Variants in DPY19L4 observed in about 807,000 individuals in gnomAD.
The protein encoded by DPY19L4 is probable C-mannosyltransferase DPY19L4.
Under a neutral mutation model 102.8 loss-of-function variants are expected in DPY19L4, and 97 were observed. The ratio of observed to expected loss-of-function variants is 0.94; its 90% confidence interval spans 0.80 to 1.12. The LOEUF (loss-of-function observed/expected upper bound fraction) is 1.12. DPY19L4 is among the 50% of genes most tolerant of loss of function. The pLI is 0.00. For synonymous variants in DPY19L4, 252 were observed against 283.1 expected (o/e 0.89, Z 1.10); for missense variants, 815 against 850.4 (o/e 0.96, Z 0.52).
intron 1 of DPY19L4, among the ~76,000 whole-genome samples, chr8:94,725,211 A>G (rs1284872595): frequency 1.3e-5 from 2 of 152,236 alleles, no homozygotes; most frequent in African/African-American, 4.8e-5. Context: ...AGTTATTACT[A>G]AGAGAAAGGA....
chr8:94,779,135 A>C (rs981508196), intron 14 of DPY19L4, among the ~76,000 whole-genome samples: 7 of 151,814 alleles, frequency 4.6e-5, no homozygotes, highest in Non-Finnish European at 5.9e-5. Flanking sequence ...TTGAAGCTTC[A>C]ATTTATTGAA....
intron 8 of DPY19L4, among the ~76,000 whole-genome samples, chr8:94,763,472 C>G (rs1254394934): frequency 6.6e-6 from 1 of 151,002 alleles, no homozygotes; most frequent in Non-Finnish European, 1.5e-5. Flanking sequence ...TCCTGAGTAG[C>G]TGAGACTACA....
intron 7 of DPY19L4, among the ~76,000 whole-genome samples, chr8:94,759,358 G>C (rs557209715): frequency 6.6e-6 from 1 of 152,174 alleles, no homozygotes; most frequent in South Asian, 2.1e-4. Context: ...ATATTACAGA[G>C]CACTGATTGG....
chr8:94,781,055 GA>G (rs1813405069), intron 15 of DPY19L4, 28 bp from the exon 16 acceptor site: 1 of 843,218 alleles, frequency 1.2e-6, no homozygotes, highest in Non-Finnish European at 1.7e-6. Context: ...ATCTTTTGGG[GA>G]TTTTTTTTTT....
intron 8 of DPY19L4, among the ~76,000 whole-genome samples, chr8:94,764,717 A>ATTTTTTTTTTTTTTT (rs869220296): frequency 3.4e-5 from 1 of 29,326 alleles, no homozygotes; most frequent in Admixed American, 7.2e-4. Context: ...ATATATATAT[A>ATTTTTTTTTTTTTTT]TTTTTTTTTT....
rs921529911 is a variant in DPY19L4 at position 94,765,031 on chromosome 8, A to G, written c.871-152A>G. On this transcript the variant is annotated intron_variant, in intron 8 of 18. Transcript: ENST00000414645. The stretch of plus-strand genomic sequence containing the variant: ...ATGTGAGCCACCATGCCCGGCCAAC[A>G]TTAAAAATATTGATTAAACATTTGC... The G allele has an allele frequency of 1.1e-5, 7 of 637,866 alleles. No individual in the cohort carries two copies. The Admixed American group carries it at 2.0e-4, about 18-fold the overall frequency. 39.5% of individuals were successfully genotyped at this position (637,866 alleles called of 1,614,324 possible). A position where few individuals can be genotyped will look rare whatever the true frequency, so the allele number is the denominator to read the frequency against.
At chr8:94,751,183 A>G in intron 6 of DPY19L4, among the ~76,000 whole-genome samples, 1 of 145,218 alleles carries the variant, frequency 6.9e-6, no homozygotes. Flanking sequence ...CAGTGGCGTG[A>G]TCTCGGCTCA....
intron 17 of DPY19L4, among the ~76,000 whole-genome samples, chr8:94,786,848 A>G (rs6999453): frequency 0.89 from 135,642 of 152,196 alleles, 60,613 homozygotes; most frequent in East Asian, 0.96. Context: ...GCGCCTGGCC[A>G]ACCATATCAT....
At chr8:94,774,039 TAAA>T (rs79751438) in intron 13 of DPY19L4, among the ~76,000 whole-genome samples, 14 of 102,784 alleles carry the variant, frequency 1.4e-4, no homozygotes, top group African/African-American at 2.3e-4. Flanking sequence ...TGTCTTTAGT[TAAA>T]AAAAAAAAAA....
chr8:94,764,689 G>GTGTGTGTGTGTGTATATATA (rs1415377058), intron 8 of DPY19L4, among the ~76,000 whole-genome samples: 13 of 43,202 alleles, frequency 3.0e-4, no homozygotes, highest in South Asian at 9.2e-4. Flanking sequence ...GTCTGTGTGT[G>GTGTGTGTGTGTGTATATATA]TATATATATA....
intron 3 of DPY19L4, among the ~76,000 whole-genome samples, chr8:94,735,313 T>C (rs75437250): frequency 1.3e-5 from 2 of 152,082 alleles, no homozygotes; most frequent in Non-Finnish European, 2.9e-5. Context: ...TAGAGTTTTT[T>C]AATTTTTGAG....
At chr8:94,770,068 A>G (rs6471484) in intron 12 of DPY19L4, among the ~76,000 whole-genome samples, 6,975 of 151,840 alleles carry the variant, frequency 0.046, 204 homozygotes, top group African/African-American at 0.067. Context: ...TTATATTTTA[A>G]TAGAGATGGG....
At chr8:94,732,611 A>G (rs1811010729) in intron 2 of DPY19L4, among the ~76,000 whole-genome samples, 1 of 152,168 alleles carries the variant, frequency 6.6e-6, no homozygotes, top group African/African-American at 2.4e-5. Flanking sequence ...CATGATAATC[A>G]AAACTTATTG....
chr8:94,768,095 T>C (rs1472433437), intron 11 of DPY19L4, among the ~76,000 whole-genome samples: 3 of 152,162 alleles, frequency 2.0e-5, no homozygotes, highest in African/African-American at 7.2e-5. Flanking sequence ...TGTTGTCTTC[T>C]AGATAAAGAT....
At chr8:94,775,297 G>C (rs565750734) in intron 13 of DPY19L4, among the ~76,000 whole-genome samples, 4 of 151,962 alleles carry the variant, frequency 2.6e-5, no homozygotes, top group African/African-American at 9.6e-5. Context: ...TCAGCCTCCA[G>C]AGTAGCTGGG....
chr8:94,772,112 T>G (rs1812962862), intron 13 of DPY19L4, among the ~76,000 whole-genome samples: 1 of 152,214 alleles, frequency 6.6e-6, no homozygotes, highest in South Asian at 2.1e-4. Context: ...TTCCTGCTTC[T>G]ATAGAAAATC....
chr8:94,788,123 C>T, intron 18 of DPY19L4, 71 bp downstream of exon 18: 3 of 821,880 alleles, frequency 3.7e-6, no homozygotes, highest in Non-Finnish European at 4.7e-6. Context: ...TGACTTTAAA[C>T]TTATAATCTT....
At chr8:94,786,957 G>GA (rs1324653673) in intron 17 of DPY19L4, among the ~76,000 whole-genome samples, 2 of 152,172 alleles carry the variant, frequency 1.3e-5, no homozygotes, top group African/African-American at 4.8e-5. Flanking sequence ...TCCCCGAGGG[G>GA]ACATTTGGCA....
At chr8:94,770,738 G>A (rs1030235435) in intron 13 of DPY19L4, among the ~76,000 whole-genome samples, 167 bp downstream of exon 13, 9 of 152,008 alleles carry the variant, frequency 5.9e-5, no homozygotes, top group East Asian at 1.9e-4. Flanking sequence ...GTGAGACTCC[G>A]TCTCTACTAA....
Sources: gnomAD v4.1 joint callset for allele counts (sites outside exome capture counted in the v4.1 genomes callset) on GRCh38, gnomAD v4.1.1 for gene constraint, MANE v1.5 for transcripts, NCBI Gene and HGNC (gene_info 2026-07-23, HGNC 2026-07-21) for gene names.